The following SMIM36 variants were observed in gnomAD, a reference collection of about 807,000 sequenced individuals.
SMIM36 encodes the protein small integral membrane protein 36.
At chr17:55,485,670 A>C (rs1909591570) in intron 1 of SMIM36, among the ~76,000 whole-genome samples, 1 of 152,246 alleles carries the variant, frequency 6.6e-6, no homozygotes, top group Non-Finnish European at 1.5e-5. Context: ...TATAGTTTAT[A>C]GAATAATGTT....
intron 1 of SMIM36, among the ~76,000 whole-genome samples, chr17:55,488,147 A>T (rs1184681379): frequency 6.6e-6 from 1 of 152,248 alleles, no homozygotes; most frequent in African/African-American, 2.4e-5. Flanking sequence ...TTCAGCCAAC[A>T]TCTCAAAGTC....
At chr17:55,508,357 C>T (rs1190183191) in intron 1 of SMIM36, among the ~76,000 whole-genome samples, 1 of 149,108 alleles carries the variant, frequency 6.7e-6, no homozygotes, top group Non-Finnish European at 1.5e-5. Flanking sequence ...AAAAGAAATA[C>T]ATACATTCAA....
At chr17:55,463,902 G>T (rs1204910806) in intron 4 of SMIM36, among the ~76,000 whole-genome samples, 2 of 152,126 alleles carry the variant, frequency 1.3e-5, no homozygotes, top group Non-Finnish European at 2.9e-5. Flanking sequence ...GATCACTTGA[G>T]GCCAGGAGTT....
chr17:55,456,116 C>CAAAAA (rs10546288), intron 4 of SMIM36, among the ~76,000 whole-genome samples: 2 of 39,534 alleles, frequency 5.1e-5, no homozygotes, highest in African/African-American at 8.8e-5. Flanking sequence ...AAAACTGTCT[C>CAAAAA]AAAAAAAAAA....
chr17:55,526,091 T>C, the SMIM36 span, among the ~76,000 whole-genome samples: 2 of 152,194 alleles, frequency 1.3e-5, no homozygotes, highest in African/African-American at 4.8e-5. Flanking sequence ...TATATGTTAG[T>C]TCCTTTAATC....
At chr17:55,469,745 C>T (rs1038631655) in intron 3 of SMIM36, among the ~76,000 whole-genome samples, 4 of 152,098 alleles carry the variant, frequency 2.6e-5, no homozygotes, top group African/African-American at 9.7e-5. Flanking sequence ...TTTGGGAGGC[C>T]GAGGTAGGCG....
At chr17:55,511,359 G>C (rs1021285411) in exon 1 of SMIM36, 2 of 398,290 alleles carry the variant, frequency 5.0e-6, no homozygotes, top group Non-Finnish European at 8.8e-6. Flanking sequence ...TGGAGAAGTG[G>C]GTCTAGAGAA....
intron 3 of SMIM36, chr17:55,477,234 T>C (rs550557623): frequency 6.6e-6 from 1 of 152,334 alleles, no homozygotes; most frequent in African/African-American, 2.4e-5. Context: ...AACAGAAATG[T>C]ATTGTTTCAT....
chr17:55,522,104 T>G, the SMIM36 span, among the ~76,000 whole-genome samples: 5 of 152,318 alleles, frequency 3.3e-5, no homozygotes, highest in African/African-American at 1.2e-4. Context: ...CTGGCTAACC[T>G]ACCTCTGTCC....
chr17:55,461,190 C>T (rs963592283), intron 4 of SMIM36, among the ~76,000 whole-genome samples: 7 of 152,074 alleles, frequency 4.6e-5, no homozygotes, highest in African/African-American at 1.2e-4. Flanking sequence ...ATTTTGAGTG[C>T]GTTCAATTTT....
intron 3 of SMIM36, among the ~76,000 whole-genome samples, chr17:55,470,835 T>C (rs1287892095): frequency 6.6e-6 from 1 of 151,948 alleles, no homozygotes; most frequent in African/African-American, 2.4e-5. Context: ...CAATATCCCA[T>C]CCCACAGCAG....
At chr17:55,523,605 A>G in the SMIM36 span, among the ~76,000 whole-genome samples, 1 of 151,978 alleles carries the variant, frequency 6.6e-6, no homozygotes, top group African/African-American at 2.4e-5. Context: ...GAGGCCTCAG[A>G]AGAAACCAGA....
chr17:55,509,847 A>C (rs1910150135), intron 1 of SMIM36, among the ~76,000 whole-genome samples: 1 of 152,146 alleles, frequency 6.6e-6, no homozygotes, highest in South Asian at 2.1e-4. Flanking sequence ...AACATCAACA[A>C]AGAGAGTGAA....
At chr17:55,473,258 C>G (rs1291762640) in intron 3 of SMIM36, among the ~76,000 whole-genome samples, 1 of 152,190 alleles carries the variant, frequency 6.6e-6, no homozygotes, top group Non-Finnish European at 1.5e-5. Flanking sequence ...ATGCCACCAG[C>G]CCCCAAGGCT....
chr17:55,481,738 G>C (rs1238751291), intron 1 of SMIM36, among the ~76,000 whole-genome samples: 4 of 152,140 alleles, frequency 2.6e-5, no homozygotes, highest in African/African-American at 7.2e-5. Context: ...CTGTTGCCCA[G>C]GCTGGAGTGC....
At chr17:55,472,627 C>G (rs1909359208) in intron 3 of SMIM36, among the ~76,000 whole-genome samples, 1 of 152,192 alleles carries the variant, frequency 6.6e-6, no homozygotes, top group Admixed American at 6.5e-5. Context: ...CATCCCAGCA[C>G]TTTGGGAGGC....
the SMIM36 span, among the ~76,000 whole-genome samples, chr17:55,524,781 C>T: frequency 6.6e-6 from 1 of 152,268 alleles, no homozygotes; most frequent in African/African-American, 2.4e-5. Context: ...TGCCCTATTA[C>T]TAGTAGCAAT....
intron 1 of SMIM36, among the ~76,000 whole-genome samples, chr17:55,487,546 T>C (rs1454034488): frequency 6.6e-6 from 1 of 152,076 alleles, no homozygotes; most frequent in Non-Finnish European, 1.5e-5. Context: ...GGAGGGTTTA[T>C]GTAAGAAACA....
the SMIM36 span, among the ~76,000 whole-genome samples, chr17:55,516,879 A>C: frequency 1.3e-5 from 2 of 152,080 alleles, no homozygotes; most frequent in African/African-American, 4.8e-5. Context: ...ATTCTTGAGG[A>C]AGATTTGAAA....
Sources: allele counts gnomAD v4.1 joint callset (sites outside exome capture counted in the v4.1 genomes callset), GRCh38; gene constraint gnomAD v4.1.1; transcripts MANE v1.5; gene names NCBI Gene and HGNC (gene_info 2026-07-23, HGNC 2026-07-21).